Variants in FKBP5 observed in about 807,000 individuals in gnomAD.
FKBP5 encodes the protein peptidyl-prolyl cis-trans isomerase FKBP5.
Under a neutral mutation model 50.5 loss-of-function variants are expected in FKBP5, and 23 were observed. The ratio of observed to expected loss-of-function variants is 0.46; its 90% CI spans 0.33 to 0.65. The LOEUF (loss-of-function observed/expected upper bound fraction) is 0.65. Among genes scored for constraint, FKBP5 ranks in the 30% least tolerant of loss-of-function variants. The pLI, the probability that FKBP5 is intolerant of heterozygous loss-of-function variation, is 0.02. For synonymous variants in FKBP5, 176 were observed against 190.6 expected (o/e 0.92, Z 0.63); for missense variants, 411 against 553.1 (o/e 0.74, Z 2.58).
intron 1 of FKBP5, among the ~76,000 whole-genome samples, chr6:35,666,568 G>A (rs1765231512): frequency 6.6e-6 from 1 of 151,926 alleles, no homozygotes; most frequent in African/African-American, 2.4e-5. Context: ...TTATAGAACA[G>A]AATATAATTA....
At chr6:35,662,033 C>CATTT (rs1188540453) in intron 1 of FKBP5, among the ~76,000 whole-genome samples, 1 of 152,074 alleles carries the variant, frequency 6.6e-6, no homozygotes, top group Non-Finnish European at 1.5e-5. Context: ...TTGTAATTAT[C>CATTT]ATTTAGTTTT....
chr6:35,597,243 C>T lies in FKBP5; in HGVS notation c.665+5G>A. ...CACTGTGTTCCAAACTGGTATGCTGCTTACCTTGGTCCAAGATATAAAATA... is the reference window on the plus strand; with the variant it reads ...CACTGTGTTCCAAACTGGTATGCTGTTTACCTTGGTCCAAGATATAAAATA... On this transcript the variant is annotated splice_donor_5th_base_variant and intron_variant, in intron 6 of 10. Transcript: ENST00000357266. 1 of 1,613,776 alleles carries T rather than the reference C, an allele frequency of 6.2e-7. No homozygotes were observed. The highest frequency in any genetic ancestry group is 8.5e-7 in the Non-Finnish European group (1 of 1,179,886).
upstream of FKBP5, among the ~76,000 whole-genome samples, chr6:35,690,959 T>A (rs906891674): frequency 2.4e-4 from 36 of 151,910 alleles, no homozygotes; most frequent in Admixed American, 1.4e-3. Context: ...TGAGCCGAGA[T>A]GGCACCATTG....
At chr6:35,634,714 CTT>C (rs1764257584) in intron 3 of FKBP5, among the ~76,000 whole-genome samples, 1 of 19,900 alleles carries the variant, frequency 5.0e-5, no homozygotes. Context: ...AGGGGGAATA[CTT>C]CTTTTTTCCC....
At chr6:35,712,933 C>T (rs1222446037) in intron 2 of FKBP5, among the ~76,000 whole-genome samples, 1 of 151,690 alleles carries the variant, frequency 6.6e-6, no homozygotes, top group Non-Finnish European at 1.5e-5. Flanking sequence ...ATCCCAAAGC[C>T]AGGTGTGGTG....
chr6:35,666,219 T>C (rs1227650207), intron 1 of FKBP5, among the ~76,000 whole-genome samples: 1 of 151,924 alleles, frequency 6.6e-6, no homozygotes, highest in Admixed American at 6.6e-5. Flanking sequence ...TAACACTTCA[T>C]ATCTTTAGTA....
intron 1 of FKBP5, among the ~76,000 whole-genome samples, chr6:35,722,435 C>G (rs1335321432): frequency 1.3e-5 from 2 of 152,232 alleles, no homozygotes; most frequent in Non-Finnish European, 2.9e-5. Flanking sequence ...TGCTTTGGGC[C>G]TGGCTCTGGC....
At chr6:35,603,154 T>G (rs1763199738) in intron 5 of FKBP5, among the ~76,000 whole-genome samples, 1 of 152,228 alleles carries the variant, frequency 6.6e-6, no homozygotes, top group African/African-American at 2.4e-5. Flanking sequence ...CTGATATTCA[T>G]TCATTCATTC....
At position 35,603,307 on chromosome 6, in the gene FKBP5, G is replaced by C. The variant is rs540420478; in HGVS notation, c.509-5903C>G. On this transcript the variant is annotated intron_variant, in intron 5 of 10. Coordinates refer to ENST00000357266, the MANE Select transcript of FKBP5 (RefSeq NM_004117.4). ...CAGATTAAACATGTTTTAGAGCTCT[G>C]TGTAAGAAAACATTTACTGGTTCAA... Among the ~76,000 whole-genome samples the C allele has an allele frequency of 1.3e-3, 205 of 152,272 alleles. 1 individual carries two copies. The highest frequency in any genetic ancestry group is 4.8e-3 in the African/African-American group (199 of 41,554).
At chr6:35,685,602 C>A (rs1177099691) in intron 1 of FKBP5, among the ~76,000 whole-genome samples, 1 of 152,060 alleles carries the variant, frequency 6.6e-6, no homozygotes, top group Non-Finnish European at 1.5e-5. Context: ...ATAGATTATT[C>A]TTTAGGAATT....
At chr6:35,649,590 G>C (rs1581851514) in intron 1 of FKBP5, among the ~76,000 whole-genome samples, 1 of 152,274 alleles carries the variant, frequency 6.6e-6, no homozygotes, top group East Asian at 1.9e-4. Context: ...TTGTAAACAT[G>C]AAAGTTAAAA....
upstream of FKBP5, among the ~76,000 whole-genome samples, chr6:35,691,703 T>C (rs1465455636): frequency 6.6e-6 from 1 of 152,198 alleles, no homozygotes; most frequent in Non-Finnish European, 1.5e-5. Context: ...CCTTGGCATT[T>C]GGAAACACAT....
chr6:35,622,340 A>T (rs1168748732), intron 3 of FKBP5, among the ~76,000 whole-genome samples: 10 of 152,090 alleles, frequency 6.6e-5, no homozygotes, highest in Non-Finnish European at 1.5e-4. Flanking sequence ...GTGAAACTCC[A>T]TCTCTACAAA....
intron 1 of FKBP5, among the ~76,000 whole-genome samples, chr6:35,674,171 T>C (rs1765469131): frequency 6.6e-6 from 1 of 152,048 alleles, no homozygotes; most frequent in Non-Finnish European, 1.5e-5. Flanking sequence ...TGTAAACAAC[T>C]AGAATACAGA....
At chr6:35,709,425 G>C (rs972530905) in intron 2 of FKBP5, among the ~76,000 whole-genome samples, 2 of 152,036 alleles carry the variant, frequency 1.3e-5, no homozygotes, top group African/African-American at 4.8e-5. Flanking sequence ...ACTATTTTTG[G>C]AAAAAAGTGC....
chr6:35,667,142 C>T (rs1765257511), intron 1 of FKBP5, among the ~76,000 whole-genome samples: 1 of 151,708 alleles, frequency 6.6e-6, no homozygotes, highest in African/African-American at 2.4e-5. Context: ...AGGCTCTTAA[C>T]CTTAGATGAA....
intron 5 of FKBP5, among the ~76,000 whole-genome samples, chr6:35,606,534 C>T (rs1763322490): frequency 6.6e-6 from 1 of 151,482 alleles, no homozygotes; most frequent in Non-Finnish European, 1.5e-5. Context: ...GTGGTGGGCG[C>T]CTGTAGTCCC....
rs77078847 is a variant in FKBP5, at chr6:35,581,877, C to G, written c.841-1656G>C. The stretch of plus-strand genomic sequence containing the variant: ...CTAGGATTTACCACAGCCCAAGCAG[C>G]GCGTACATCTCACTGCCGAGTTGTC... On this transcript the variant is annotated intron_variant, in intron 8 of 10. Transcript: ENST00000357266. 84 of 985,500 alleles carry G rather than the reference C, an allele frequency of 8.5e-5. No homozygotes were observed. The African/African-American group carries it at 1.4e-3, about 17-fold the overall frequency. The allele number at this position is 985,500 out of a possible 1,614,324, so 61.0% of individuals were successfully genotyped here.
intron 3 of FKBP5, among the ~76,000 whole-genome samples, 199 bp from the exon 4 acceptor site, chr6:35,620,473 C>T (rs562785904): frequency 2.0e-5 from 3 of 151,394 alleles, no homozygotes; most frequent in Non-Finnish European, 2.9e-5. Flanking sequence ...CCCTGTTGAT[C>T]GGCCCAGCAC....
Sources: allele counts gnomAD v4.1 joint callset (sites outside exome capture counted in the v4.1 genomes callset), GRCh38; gene constraint gnomAD v4.1.1; transcripts MANE v1.5; gene names NCBI Gene and HGNC (gene_info 2026-07-23, HGNC 2026-07-21).